The following CD200 variants were observed in gnomAD, a reference collection of about 807,000 sequenced individuals.
CD200 encodes CD200 molecule.
CD200 carries 15 observed loss-of-function variants against 30.9 expected under a neutral mutation model. That is an observed-to-expected ratio of 0.49 (90% CI 0.32 to 0.75). The LOEUF is 0.75. Among genes scored for constraint, CD200 ranks in the 30% least tolerant of loss-of-function variants. CD200 has a pLI of 0.03. For synonymous variants in CD200, 134 were observed against 126.2 expected (o/e 1.06, Z -0.41); for missense variants, 262 against 324.2 (o/e 0.81, Z 1.47).
chr3:112,342,282 C>A (rs1324546606), intron 2 of CD200, among the ~76,000 whole-genome samples: 3 of 37,972 alleles, frequency 7.9e-5, no homozygotes, highest in Non-Finnish European at 1.2e-4. Context: ...TCCTTCCTTC[C>A]TTCCTTCCTT....
In CD200 at chr3:112,347,873, C is replaced by G. The variant is rs185587045; in HGVS notation, c.694+43C>G. 39 of 1,570,192 alleles carry G rather than the reference C, an allele frequency of 2.5e-5. No homozygotes were observed. The African/African-American group carries it at 5.1e-4, about 21-fold the overall frequency. On this transcript the variant is annotated intron_variant, in intron 4 of 5. Coordinates refer to ENST00000315711, the MANE Select transcript of CD200 (RefSeq NM_005944.7). ...AGGTGGCTGTGGTTGTGTCTGTGTG[C>G]ATGGACCTGGAAGGCAGTGAATGTC...
intron 1 of CD200, chr3:112,333,747 C>T (rs2081050921): frequency 1.0e-6 from 1 of 985,450 alleles, no homozygotes; most frequent in South Asian, 4.7e-5. Context: ...CCCTTTCTCC[C>T]TCCTAGCCCT....
chr3:112,339,875 G>T (rs181136738), intron 1 of CD200, among the ~76,000 whole-genome samples: 9 of 152,186 alleles, frequency 5.9e-5, no homozygotes, highest in African/African-American at 1.9e-4. Flanking sequence ...ATAATAGATG[G>T]TTGTAATCAA....
intron 4 of CD200, 74 bp downstream of exon 4, chr3:112,347,904 G>A: frequency 4.5e-6 from 6 of 1,334,840 alleles, no homozygotes; most frequent in Non-Finnish European, 6.3e-6. Flanking sequence ...ATGTCCTGCA[G>A]AGGTTTTCAG....
At position 112,347,692 on chromosome 3, in the gene CD200, C is replaced by T. The variant is rs147959146; in HGVS notation, c.556C>T (p.Leu186=). 1.1e-5 allele frequency: 18 copies of T among 1,613,966 alleles called. No homozygotes were observed. Among genetic ancestry groups the T allele is most frequent in the Middle Eastern group, 3.3e-4 (2 of 6,082 alleles). Residue 186 remains leucine, a synonymous_variant, in exon 4 of 6, where the codon CTG becomes TTG. Transcript: ENST00000315711. The part of the protein sequence containing the change: ...RSGIENSTVT[L]SHPNGTTSVT... ...AGGGATTGAAAATAGTACAGTGACT[C>T]TGTCTCACCCAAATGGGACCACGTC...
At chr3:112,358,434 C>T (rs1276820190) in intron 5 of CD200, among the ~76,000 whole-genome samples, 29 of 151,406 alleles carry the variant, frequency 1.9e-4, no homozygotes, top group Admixed American at 1.8e-3. Context: ...CTGAAATGAA[C>T]TTGTGATGCC....
Position 112,361,634 on chromosome 3 carries a change from C to A in CD200, c.*84C>A. The A allele has an allele frequency of 8.0e-7, 1 of 1,250,954 alleles. No individual in the cohort carries two copies. Among genetic ancestry groups the A allele is most frequent in the Non-Finnish European group, 1.2e-6 (1 of 849,198 alleles). 77.5% of individuals were successfully genotyped at this position (1,250,954 alleles called of 1,614,324 possible). On this transcript the variant is annotated 3_prime_UTR_variant, in exon 6 of 6. Transcript: ENST00000315711. ...AAAAGCAGGAGGAAAAGGGGCCATT[C>A]TCCAAAGGACCTGAAAGAGCAAAAG... is the stretch of plus-strand genomic sequence containing the variant.
At chr3:112,358,794 C>A (rs1317724131) in intron 5 of CD200, among the ~76,000 whole-genome samples, 4 of 152,202 alleles carry the variant, frequency 2.6e-5, no homozygotes, top group African/African-American at 9.7e-5. Flanking sequence ...CTGCACTAAA[C>A]AACTTCTTCA....
In CD200 at chr3:112,346,884, T is replaced by A. The variant is rs907868634; in HGVS notation, c.422-674T>A. On this transcript the variant is annotated intron_variant, in intron 3 of 5. Coordinates refer to ENST00000315711, the MANE Select transcript of CD200 (RefSeq NM_005944.7). ...GCCTGAAAATAATTTTCTCATGAGC[T>A]AGTTAGTTTTTCTTAACTTAATCAG... Among the ~76,000 whole-genome samples, 5 of 152,376 alleles carry A rather than the reference T, an allele frequency of 3.3e-5. No individual in the cohort carries two copies. The East Asian group carries it at 9.6e-4, about 29-fold the overall frequency.
At chr3:112,353,432 GA>G (rs2081572191) in intron 5 of CD200, among the ~76,000 whole-genome samples, 1 of 151,942 alleles carries the variant, frequency 6.6e-6, no homozygotes, top group South Asian at 2.1e-4. Context: ...AATCCATGTA[GA>G]AATATGTTTT....
chr3:112,334,924 A>G (rs760672674), intron 1 of CD200, among the ~76,000 whole-genome samples: 5 of 152,154 alleles, frequency 3.3e-5, no homozygotes, highest in Non-Finnish European at 7.4e-5. Flanking sequence ...GATTTTCTCT[A>G]TGAGAGCTTG....
intron 2 of CD200, among the ~76,000 whole-genome samples, chr3:112,342,354 T>TTTCCTTCC (rs2081275021): frequency 1.6e-4 from 3 of 18,482 alleles, no homozygotes; most frequent in South Asian, 3.0e-3. Flanking sequence ...TCTTTCTTTC[T>TTTCCTTCC]TTCTTTCTTT....
intron 3 of CD200, 85 bp from the exon 4 acceptor site, chr3:112,347,473 A>C: frequency 7.6e-7 from 1 of 1,308,228 alleles, no homozygotes; most frequent in Non-Finnish European, 1.1e-6. Flanking sequence ...TTCTATAAGC[A>C]TATTTCCTTC....
chr3:112,343,988 G>A (rs1327287857), intron 2 of CD200, among the ~76,000 whole-genome samples: 1 of 151,844 alleles, frequency 6.6e-6, no homozygotes, highest in African/African-American at 2.4e-5. Context: ...TTCATGGCCT[G>A]TTCTTACTTT....
At chr3:112,346,330 C>G (rs1402236081) in intron 3 of CD200, among the ~76,000 whole-genome samples, 1 of 150,772 alleles carries the variant, frequency 6.6e-6, no homozygotes, top group Non-Finnish European at 1.5e-5. Context: ...TTTCTCATTT[C>G]TGTTCCTTTT....
intron 5 of CD200, among the ~76,000 whole-genome samples, chr3:112,354,349 C>T (rs2081588845): frequency 6.6e-6 from 1 of 152,086 alleles, no homozygotes; most frequent in African/African-American, 2.4e-5. Context: ...TAATGAAAAA[C>T]AAAAAGGATG....
At position 112,345,157 on chromosome 3, in the gene CD200, C is replaced by T. The variant is rs146280087; in HGVS notation, c.290C>T (p.Thr97Ile). ...GCCTATAAGGACAAGATAAACATTA[C>T]CCAGCTGGGACTCCAAAACTCAACC... ...QPAYKDKINITQLGLQNSTIT... is the reference protein window; with the variant it reads ...QPAYKDKINIIQLGLQNSTIT... Residue 97 changes from threonine to isoleucine, a missense_variant, in exon 3 of 6, where the codon ACC becomes ATC. By Grantham distance (89) the Thr-to-Ile change is moderately conservative. Transcript: ENST00000315711. 6.2e-7 allele frequency: 1 copy of T among 1,613,948 alleles called. No individual in the cohort carries two copies. The highest frequency in any genetic ancestry group is 8.5e-7 in the Non-Finnish European group (1 of 1,179,978).
rs371629783 is a variant in CD200 at position 112,347,670 on chromosome 3, G to A, written c.534G>A (p.Gly178=). Residue 178 remains glycine (G), a synonymous_variant, in exon 4 of 6, where the codon GGG becomes GGA. Coordinates refer to ENST00000315711, the MANE Select transcript of CD200 (RefSeq NM_005944.7). The stretch of plus-strand genomic sequence containing the variant: ...TCTTCTGGAAGGTCCCTCGGTCAGG[G>A]ATTGAAAATAGTACAGTGACTCTGT... ...PMVFWKVPRS[G]IENSTVTLSH... 8 of 1,613,952 alleles carry A rather than the reference G, an allele frequency of 5.0e-6. No homozygotes were observed. Among genetic ancestry groups the A allele is most frequent in the Admixed American group, 3.3e-5 (2 of 59,980 alleles).
At chr3:112,348,504 C>G (rs926750242) in intron 4 of CD200, among the ~76,000 whole-genome samples, 9 of 152,142 alleles carry the variant, frequency 5.9e-5, no homozygotes, top group African/African-American at 2.2e-4. Context: ...GTGAGAATGA[C>G]AGAGGAGAGA....
Sources: allele counts gnomAD v4.1 joint callset (sites outside exome capture counted in the v4.1 genomes callset), GRCh38; gene constraint gnomAD v4.1.1; transcripts MANE v1.5; gene names NCBI Gene and HGNC (gene_info 2026-07-23, HGNC 2026-07-21).